Variants in CASZ1 observed in about 807,000 individuals in gnomAD.
The protein encoded by CASZ1 is zinc finger protein castor homolog 1.
CASZ1 carries 28 observed loss-of-function variants against 135.2 expected under a neutral mutation model. The ratio of observed to expected loss-of-function variants is 0.21; its 90% confidence interval spans 0.15 to 0.28. CASZ1 has a LOEUF of 0.28. Among genes scored for constraint, CASZ1 ranks in the 10% least tolerant of loss-of-function variants. The pLI, the probability that CASZ1 is intolerant of heterozygous loss-of-function variation, is 1.00. For synonymous variants in CASZ1, 1,068 were observed against 1,073.4 expected, an observed-to-expected ratio of 0.99 and a Z score of 0.10; for missense variants, 2,161 against 2,453.3, an observed-to-expected ratio of 0.88 and a Z score of 2.52.
At position 10,647,720 on chromosome 1, in the gene CASZ1, AG is replaced by A; in HGVS notation, c.3497+80del. Reference sequence around the variant, plus strand: ...AGCAGCACCATCCGCAGTGAGGAACAGGGCCTCCTAGCGCCCTTGCTAGCAC... The same window carrying A: ...AGCAGCACCATCCGCAGTGAGGAACAGGCCTCCTAGCGCCCTTGCTAGCAC... On this transcript the variant is annotated intron_variant, in intron 16 of 20. Transcript: ENST00000377022. The surrounding 1 kb of genome is among the most constrained non-coding windows in gnomAD (Gnocchi z 4.9). 1.3e-6 allele frequency: 2 copies of A among 1,592,528 alleles called. No individual in the cohort carries two copies. Among genetic ancestry groups the A allele is most frequent in the Non-Finnish European group, 1.7e-6 (2 of 1,175,484 alleles).
In CASZ1 at chr1:10,765,764, G is replaced by C. The variant is rs199521249; in HGVS notation, c.-233-4907C>G. 1.9e-4 allele frequency among the ~76,000 whole-genome samples: 29 copies of C among 152,284 alleles called. No homozygotes were observed. In the East Asian group the frequency reaches 4.8e-3, roughly 25 times the overall value. On this transcript the variant is annotated intron_variant, in intron 1 of 20. Coordinates refer to ENST00000377022, the MANE Select transcript of CASZ1 (RefSeq NM_001079843.3). Reference sequence around the variant, plus strand: ...AGAACTCCCAGCCAGCTGCTTATGCGGCCTTTCCACACTTAAGGTACTGTC... The same window carrying C: ...AGAACTCCCAGCCAGCTGCTTATGCCGCCTTTCCACACTTAAGGTACTGTC...
In CASZ1 at chr1:10,759,795, A is replaced by T. The variant is rs1476050933; in HGVS notation, c.-77+906T>A. On this transcript the variant is annotated intron_variant, in intron 2 of 20. Transcript: ENST00000377022. This position sits in a 1 kb window ranked among gnomAD's most constrained non-coding sequence, Gnocchi z 4.2. ...CCAGGGACACCGGCTCCAGGCTGGCACACATAGGAAGAGCAGCCCCCGGCC... is the reference window on the plus strand; with the variant it reads ...CCAGGGACACCGGCTCCAGGCTGGCTCACATAGGAAGAGCAGCCCCCGGCC... 6.6e-6 allele frequency among the ~76,000 whole-genome samples: 1 copy of T among 151,950 alleles called. No individual in the cohort carries two copies. The highest frequency in any genetic ancestry group is 2.4e-5 in the African/African-American group (1 of 41,340).
chr1:10,637,817 A>G lies in CASZ1; in HGVS notation c.*1125T>C, dbSNP rs1037216988. On this transcript the variant is annotated 3_prime_UTR_variant, in exon 21 of 21. Transcript: ENST00000377022. ...CATCCCAAACAAAGTAATAAAACAAACTGGAAAAAAAAAAAAGCCCTATAA... is the reference window on the plus strand; with the variant it reads ...CATCCCAAACAAAGTAATAAAACAAGCTGGAAAAAAAAAAAAGCCCTATAA... 1 of 138,228 alleles carries G rather than the reference A, an allele frequency of 7.2e-6. No homozygotes were observed. Among genetic ancestry groups the G allele is most frequent in the African/African-American group, 2.9e-5 (1 of 34,590 alleles). 8.6% of individuals were successfully genotyped at this position (138,228 alleles called of 1,614,324 possible).
intron 4 of CASZ1, among the ~76,000 whole-genome samples, chr1:10,672,914 G>A (rs1409998145): frequency 1.3e-5 from 2 of 152,210 alleles, no homozygotes; most frequent in African/African-American, 2.4e-5. Flanking sequence ...GCGATTTGGG[G>A]CATTATTAGT....
At chr1:10,684,556 C>T (rs1273869292) in intron 4 of CASZ1, among the ~76,000 whole-genome samples, 1 of 152,198 alleles carries the variant, frequency 6.6e-6, no homozygotes, top group Non-Finnish European at 1.5e-5. Flanking sequence ...TGTCAAGTAG[C>T]CCATCCTCCT....
chr1:10,692,268 C>T (rs368775707), intron 4 of CASZ1, among the ~76,000 whole-genome samples: 12 of 152,254 alleles, frequency 7.9e-5, no homozygotes, highest in African/African-American at 2.9e-4. Context: ...GACCAGAGGG[C>T]CTGCCTTCCA....
chr1:10,776,058 G>A lies in CASZ1; in HGVS notation c.-233-15201C>T, dbSNP rs185052807. 1.3e-3 allele frequency among the ~76,000 whole-genome samples: 194 copies of A among 152,294 alleles called. No homozygotes were observed. In the Middle Eastern group the frequency reaches 0.017, roughly 13 times the overall value. On this transcript the variant is annotated intron_variant, in intron 1 of 20. Transcript: ENST00000377022. The surrounding 1 kb of genome is among the most constrained non-coding windows in gnomAD (Gnocchi z 4.1). ...CCCTGTAGCTAATTTACACCCGTCA[G>A]GGTTTAAAATAGCAGAGGCATAAAT...
In CASZ1 at chr1:10,788,936, T is replaced by C. The variant is rs1378647670; in HGVS notation, c.-234+7628A>G. On this transcript the variant is annotated intron_variant, in intron 1 of 20. Coordinates refer to ENST00000377022, the MANE Select transcript of CASZ1 (RefSeq NM_001079843.3). The surrounding 1 kb of genome is among the most constrained non-coding windows in gnomAD (Gnocchi z 4.1). ...CTCGCAGATCCTCTAAGCCACCTAG[T>C]GTCCAGAGCTGAGCTCTAGCCACCA... is the stretch of plus-strand genomic sequence containing the variant. Among the ~76,000 whole-genome samples, 1 of 152,156 alleles carries C rather than the reference T, an allele frequency of 6.6e-6. No individual in the cohort carries two copies. Among genetic ancestry groups the C allele is most frequent in the Non-Finnish European group, 1.5e-5 (1 of 68,008 alleles).
intron 4 of CASZ1, among the ~76,000 whole-genome samples, chr1:10,681,201 T>C (rs1172801253): frequency 1.7e-5 from 2 of 120,168 alleles, no homozygotes; most frequent in Non-Finnish European, 1.7e-5. Context: ...GTGCCTGACC[T>C]TTTTTTTTTT....
intron 2 of CASZ1, among the ~76,000 whole-genome samples, chr1:10,708,910 C>T (rs994076680): frequency 9.4e-5 from 13 of 137,812 alleles, no homozygotes; most frequent in African/African-American, 2.7e-4. Flanking sequence ...GAGGCTCCTC[C>T]GGCACAAGAG....
intron 1 of CASZ1, among the ~76,000 whole-genome samples, chr1:10,784,617 G>T (rs1640823159): frequency 6.6e-6 from 1 of 152,160 alleles, no homozygotes; most frequent in Non-Finnish European, 1.5e-5. Context: ...AGGCTGGAGT[G>T]CAGTGGTATG....
At chr1:10,749,253 A>AT (rs373908985) in intron 2 of CASZ1, among the ~76,000 whole-genome samples, 195 of 139,668 alleles carry the variant, frequency 1.4e-3, no homozygotes, top group Middle Eastern at 3.8e-3. Context: ...TTTCCCCCCT[A>AT]TTTTTTTTTT....
At chr1:10,792,308 T>A (rs1441342562) in intron 1 of CASZ1, among the ~76,000 whole-genome samples, 2 of 105,312 alleles carry the variant, frequency 1.9e-5, no homozygotes, top group African/African-American at 3.8e-5. Context: ...GCTCTGTACA[T>A]GGCTTACCCC....
At chr1:10,698,725 C>T (rs969283340) in intron 3 of CASZ1, among the ~76,000 whole-genome samples, 1 of 152,078 alleles carries the variant, frequency 6.6e-6, no homozygotes, top group Non-Finnish European at 1.5e-5. Context: ...ACTGGCTTAA[C>T]AGAGGGGCAA....
In CASZ1 at chr1:10,701,464, T is replaced by C. The variant is rs1639058936; in HGVS notation, c.-24+4028A>G. Among the ~76,000 whole-genome samples the C allele has an allele frequency of 6.6e-6, 1 of 152,028 alleles. No homozygotes were observed. The highest frequency in any genetic ancestry group is 6.5e-5 in the Admixed American group (1 of 15,270). On this transcript the variant is annotated intron_variant, in intron 3 of 20. Transcript: ENST00000377022. The surrounding 1 kb of genome is among the most constrained non-coding windows in gnomAD (Gnocchi z 6.3). Reference sequence around the variant, plus strand: ...CACCCCCAAAATCCTTGGGAGAGGATGGGAAGGACTTAGGTCCAGCCCCCT... The same window carrying C: ...CACCCCCAAAATCCTTGGGAGAGGACGGGAAGGACTTAGGTCCAGCCCCCT...
rs557089225 is a variant in CASZ1, at chr1:10,788,510, AT to A, written c.-234+8053del. ...TATAAGCAACATTTATGCTTACGAG[AT>A]TTTTTTTATTAAGAGGATTCTCAAA... On this transcript the variant is annotated intron_variant, in intron 1 of 20. Transcript: ENST00000377022. The surrounding 1 kb of genome is among the most constrained non-coding windows in gnomAD (Gnocchi z 4.1). 2.2e-3 allele frequency among the ~76,000 whole-genome samples: 331 copies of A among 152,228 alleles called. No homozygotes were observed. The highest frequency in any genetic ancestry group is 5.8e-3 in the East Asian group (30 of 5,182).
intron 2 of CASZ1, among the ~76,000 whole-genome samples, chr1:10,752,889 T>C (rs1211999992): frequency 6.6e-6 from 1 of 151,404 alleles, no homozygotes; most frequent in East Asian, 1.9e-4. Flanking sequence ...TACAAAAAAT[T>C]AGCTGGGTGT....
At chr1:10,649,469 G>A in intron 13 of CASZ1, 32 bp from the exon 14 acceptor site, 1 of 1,580,882 alleles carries the variant, frequency 6.3e-7, no homozygotes, top group Non-Finnish European at 8.6e-7. Flanking sequence ...CATGGGGCTG[G>A]GGTAGCTTAG....
chr1:10,718,607 G>C (rs148518815), intron 2 of CASZ1, among the ~76,000 whole-genome samples: 3 of 152,342 alleles, frequency 2.0e-5, no homozygotes, highest in Non-Finnish European at 4.4e-5. Flanking sequence ...AAGTCGCTGA[G>C]GGCCAGAGGG....
Sources: allele counts gnomAD v4.1 joint callset (sites outside exome capture counted in the v4.1 genomes callset), GRCh38; gene constraint gnomAD v4.1.1; non-coding constraint Gnocchi (gnomAD v3.1); transcripts MANE v1.5; gene names NCBI Gene and HGNC (gene_info 2026-07-23, HGNC 2026-07-21).